SLCO3A1: variants seen among roughly 807,000 people sequenced by gnomAD.
The protein encoded by SLCO3A1 is PGE1 transporter.
A neutral mutation model predicts 63.1 loss-of-function variants in SLCO3A1; 27 were observed. The observed-to-expected ratio is 0.43, with a 90% CI of 0.32 to 0.59. The LOEUF (loss-of-function observed/expected upper bound fraction) is 0.59. Among genes scored for constraint, SLCO3A1 ranks in the 20% least tolerant of loss-of-function variants. SLCO3A1 has a pLI of 0.09. For missense variants in SLCO3A1, 773 were observed against 945.8 expected, an observed-to-expected ratio of 0.82 and a Z score of 2.40; for synonymous variants, 473 against 409.9, an observed-to-expected ratio of 1.15 and a Z score of -1.86.
chr15:92,161,403 C>G (rs371219502), intron 9 of SLCO3A1, among the ~76,000 whole-genome samples: 2 of 152,056 alleles, frequency 1.3e-5, no homozygotes, highest in Non-Finnish European at 2.9e-5. Flanking sequence ...TCTGATAACT[C>G]GGATAACAGC....
At chr15:92,118,503 T>C (rs983388841) in intron 4 of SLCO3A1, among the ~76,000 whole-genome samples, 1 of 152,266 alleles carries the variant, frequency 6.6e-6, no homozygotes, top group Non-Finnish European at 1.5e-5. Flanking sequence ...CTGCCAGTTC[T>C]TGACTTATTG....
rs780713017 is a variant in SLCO3A1 at position 92,162,737 on chromosome 15, A to G, written c.1754-19A>G. Reference sequence around the variant, plus strand: ...TGGCCACCAGATCCAGAACCTTAACATTCTTTTCCCGGTAACAGGCTTCAT... The same window carrying G: ...TGGCCACCAGATCCAGAACCTTAACGTTCTTTTCCCGGTAACAGGCTTCAT... On this transcript the variant is annotated intron_variant, in intron 9 of 9. Coordinates refer to ENST00000318445, the MANE Select transcript of SLCO3A1 (RefSeq NM_013272.4). The G allele has an allele frequency of 7.5e-6, 12 of 1,597,870 alleles. No individual in the cohort carries two copies. The highest frequency in any genetic ancestry group is 5.1e-5 in the Admixed American group (3 of 58,284).
intron 2 of SLCO3A1, among the ~76,000 whole-genome samples, chr15:92,000,519 A>G (rs1262769384): frequency 6.8e-6 from 1 of 147,508 alleles, no homozygotes; most frequent in Non-Finnish European, 1.5e-5. Flanking sequence ...AGGTGAATGT[A>G]TTAAATGCTG....
chr15:91,913,911 C>G (rs556314726), intron 1 of SLCO3A1, among the ~76,000 whole-genome samples: 37 of 152,208 alleles, frequency 2.4e-4, no homozygotes, highest in Non-Finnish European at 5.1e-4. Flanking sequence ...TTGACGTGGC[C>G]TTTTCTTCTC....
Position 91,916,202 on chromosome 15 carries a change from C to G in SLCO3A1, c.390C>G (p.Thr130=), listed in dbSNP as rs1255097543. The stretch of plus-strand genomic sequence containing the variant: ...TGTCGGCGCTGCCCGAGTTCCTGAC[C>G]CACCAGTACAAGTACGAGGCGGGCG... ...ALLSALPEFL[T]HQYKYEAGEI... is the part of the protein sequence containing the mutation. The change falls in exon 2 of 10, where the codon ACC becomes ACG. Residue 130 remains threonine (T), a synonymous_variant. Coordinates refer to ENST00000318445, the MANE Select transcript of SLCO3A1 (RefSeq NM_013272.4). The surrounding 1 kb of genome is among the most constrained non-coding windows in gnomAD (Gnocchi z 6.2). 2 of 1,592,654 alleles carry G rather than the reference C, an allele frequency of 1.3e-6. No homozygotes were observed. The highest frequency in any genetic ancestry group is 3.5e-5 in the Admixed American group (2 of 57,620).
rs1555417627 is a variant in SLCO3A1 at position 91,957,026 on chromosome 15, A to AATATATATAATATATATACTATATATTAT, written c.646+40575_646+40576insTAATATATATACTATATATTATATATATA. ...TATATATATAATATATAGTATATAT[A>AATATATATAATATATATACTATATATTAT]ATATATAATATATAGTATATATATA... On this transcript the variant is annotated intron_variant, in intron 2 of 9. Coordinates refer to ENST00000318445, the MANE Select transcript of SLCO3A1 (RefSeq NM_013272.4). Among the ~76,000 whole-genome samples, 3 of 1,550 alleles carry AATATATATAATATATATACTATATATTAT rather than the reference A, an allele frequency of 1.9e-3. 1 individual carries two copies. Among genetic ancestry groups the AATATATATAATATATATACTATATATTAT allele is most frequent in the African/African-American group, 0.014 (3 of 210 alleles). The allele number at this position is 1,550 out of a possible 152,430, so 1.0% of individuals were successfully genotyped here.
chr15:91,932,009 T>A (rs1899252936), intron 2 of SLCO3A1, among the ~76,000 whole-genome samples: 1 of 152,212 alleles, frequency 6.6e-6, no homozygotes, highest in Non-Finnish European at 1.5e-5. Context: ...CAGTGGTGAC[T>A]GTCTTAGAAA....
intron 2 of SLCO3A1, among the ~76,000 whole-genome samples, chr15:91,938,941 TA>T (rs1193611338): frequency 6.6e-6 from 1 of 152,202 alleles, no homozygotes; most frequent in Non-Finnish European, 1.5e-5. Flanking sequence ...CAAGACTTTC[TA>T]AACGTAGCTG....
At chr15:92,130,504 A>G (rs956967686) in intron 7 of SLCO3A1, among the ~76,000 whole-genome samples, 2 of 152,224 alleles carry the variant, frequency 1.3e-5, no homozygotes, top group Non-Finnish European at 2.9e-5. Context: ...GCAGATCTCT[A>G]GATGCCCTGG....
chr15:91,988,010 A>G (rs891605152), intron 2 of SLCO3A1, among the ~76,000 whole-genome samples: 2 of 152,180 alleles, frequency 1.3e-5, no homozygotes, highest in Non-Finnish European at 2.9e-5. Flanking sequence ...TTACAAACCC[A>G]TGTCTGTACC....
chr15:91,990,893 C>G (rs973960564), intron 2 of SLCO3A1, among the ~76,000 whole-genome samples: 6 of 152,098 alleles, frequency 3.9e-5, no homozygotes, highest in Non-Finnish European at 5.9e-5. Flanking sequence ...GGCAGCTGAC[C>G]TTGGCCTCAG....
At chr15:91,918,460 A>G (rs560747053) in intron 2 of SLCO3A1, among the ~76,000 whole-genome samples, 2 of 152,120 alleles carry the variant, frequency 1.3e-5, no homozygotes, top group African/African-American at 4.8e-5. Flanking sequence ...TGCCATGGAG[A>G]TGATAGTTCT....
intron 8 of SLCO3A1, 145 bp from the exon 9 acceptor site, chr15:92,150,805 C>T (rs1174321663): frequency 1.9e-6 from 1 of 521,450 alleles, no homozygotes; most frequent in Non-Finnish European, 3.4e-6. Flanking sequence ...AAAAAAGACA[C>T]TATTAGTAAT....
chr15:92,163,907 A>G lies in SLCO3A1; in HGVS notation c.*772A>G. The G allele has an allele frequency of 1.0e-6, 1 of 985,426 alleles. No homozygotes were observed. Among genetic ancestry groups the G allele is most frequent in the Non-Finnish European group, 1.2e-6 (1 of 829,920 alleles). 61.0% of individuals were successfully genotyped at this position (985,426 alleles called of 1,614,324 possible). On this transcript the variant is annotated 3_prime_UTR_variant, in exon 10 of 10. Coordinates refer to ENST00000318445, the MANE Select transcript of SLCO3A1 (RefSeq NM_013272.4). ...CAGTGGCGGGCATCCACCTTCCCCC[A>G]GCCCCACAGAGTGACCTCAGGAAGC... is the stretch of plus-strand genomic sequence containing the variant.
intron 1 of SLCO3A1, among the ~76,000 whole-genome samples, chr15:91,906,991 A>C (rs956814140): frequency 5.3e-5 from 8 of 152,150 alleles, no homozygotes; most frequent in Non-Finnish European, 1.2e-4. Context: ...ATCAATGAAC[A>C]TAAAAATTCA....
chr15:92,050,239 T>C (rs1225889874), intron 2 of SLCO3A1, among the ~76,000 whole-genome samples: 1 of 152,148 alleles, frequency 6.6e-6, no homozygotes. Context: ...CTTCAGCAGG[T>C]GTGGATAGTG....
rs1490597381 is a variant in SLCO3A1, at chr15:91,894,922, C to T, written c.181-21071C>T. 3.9e-5 allele frequency among the ~76,000 whole-genome samples: 6 copies of T among 152,188 alleles called. No homozygotes were observed. Among genetic ancestry groups the T allele is most frequent in the African/African-American group, 1.4e-4 (6 of 41,450 alleles). On this transcript the variant is annotated intron_variant, in intron 1 of 9. Coordinates refer to ENST00000318445, the MANE Select transcript of SLCO3A1 (RefSeq NM_013272.4). The surrounding 1 kb of genome is among the most constrained non-coding windows in gnomAD (Gnocchi z 4.8). ...GAACTCTCAAGAATCAAGGTTGAGTCTGTTGTTCCTAATCCATACCTGCAT... is the reference window on the plus strand; with the variant it reads ...GAACTCTCAAGAATCAAGGTTGAGTTTGTTGTTCCTAATCCATACCTGCAT...
chr15:91,891,193 G>A (rs1015801801), intron 1 of SLCO3A1, among the ~76,000 whole-genome samples: 1 of 152,016 alleles, frequency 6.6e-6, no homozygotes, highest in African/African-American at 2.4e-5. Flanking sequence ...TAAGTGTGGG[G>A]GAAATTGTGA....
chr15:91,871,473 G>A (rs1163461453), intron 1 of SLCO3A1, among the ~76,000 whole-genome samples: 5 of 152,180 alleles, frequency 3.3e-5, no homozygotes, highest in Non-Finnish European at 4.4e-5. Flanking sequence ...CAGCAGAGAT[G>A]ATCAACACCA....
Sources: allele counts gnomAD v4.1 joint callset (sites outside exome capture counted in the v4.1 genomes callset), GRCh38; gene constraint gnomAD v4.1.1; non-coding constraint Gnocchi (gnomAD v3.1); transcripts MANE v1.5; gene names NCBI Gene and HGNC (gene_info 2026-07-23, HGNC 2026-07-21).